Variants in SHISA9 observed in about 807,000 individuals in gnomAD.
SHISA9 encodes shisa family member 9, also known as protein shisa-9.
In SHISA9, 13 loss-of-function variants were observed where a neutral mutation model predicts 38.0. The observed-to-expected ratio is 0.34, with a 90% confidence interval of 0.22 to 0.54. The LOEUF is 0.54. Ranked by LOEUF, SHISA9 falls within the 20% of genes least tolerant of loss-of-function variation. The pLI, the probability that SHISA9 is intolerant of heterozygous loss-of-function variation, is 0.91. For synonymous variants in SHISA9, 275 were observed against 242.0 expected, an observed-to-expected ratio of 1.14 and a Z score of -1.27; for missense variants, 538 against 575.8, an observed-to-expected ratio of 0.93 and a Z score of 0.67.
chr16:13,525,418 CA>C, the SHISA9 span, among the ~76,000 whole-genome samples: 1 of 152,118 alleles, frequency 6.6e-6, no homozygotes, highest in Non-Finnish European at 1.5e-5. Flanking sequence ...AAGCCCATAA[CA>C]AAAAACTGGA....
the SHISA9 span, among the ~76,000 whole-genome samples, chr16:13,404,046 G>C: frequency 6.6e-6 from 1 of 152,200 alleles, no homozygotes; most frequent in Non-Finnish European, 1.5e-5. Context: ...GTAGAATCGT[G>C]ATTCGAACTC....
chr16:13,330,309 C>T, the SHISA9 span, among the ~76,000 whole-genome samples: 1 of 152,176 alleles, frequency 6.6e-6, no homozygotes, highest in Non-Finnish European at 1.5e-5. Context: ...GCATACAGTG[C>T]ATCAAAGTGC....
the SHISA9 span, among the ~76,000 whole-genome samples, chr16:13,493,016 A>G: frequency 1.8e-4 from 28 of 152,148 alleles, no homozygotes; most frequent in Admixed American, 3.3e-4. Flanking sequence ...CTGCAAGAGG[A>G]TAGATCTGAA....
intron 2 of SHISA9, among the ~76,000 whole-genome samples, chr16:13,060,004 G>A (rs2073355594): frequency 6.6e-6 from 1 of 152,136 alleles, no homozygotes; most frequent in Non-Finnish European, 1.5e-5. Context: ...AACAGCCCTA[G>A]CAAACAAATA....
intron 2 of SHISA9, among the ~76,000 whole-genome samples, chr16:13,036,121 T>A (rs1403982159): frequency 6.6e-6 from 1 of 152,208 alleles, no homozygotes; most frequent in Non-Finnish European, 1.5e-5. Context: ...ATATGACACA[T>A]CAATTCCACT....
At chr16:12,991,239 G>C (rs1239237368) in intron 2 of SHISA9, among the ~76,000 whole-genome samples, 1 of 152,038 alleles carries the variant, frequency 6.6e-6, no homozygotes. Context: ...TGATTTCTGG[G>C]AAAGTTTTCC....
At chr16:13,438,904 G>A in the SHISA9 span, among the ~76,000 whole-genome samples, 1 of 152,140 alleles carries the variant, frequency 6.6e-6, no homozygotes, top group African/African-American at 2.4e-5. Context: ...CTCTGATAAT[G>A]AGAAAACTAG....
intron 2 of SHISA9, among the ~76,000 whole-genome samples, chr16:13,141,743 T>A (rs191376134): frequency 6.6e-6 from 1 of 152,146 alleles, no homozygotes; most frequent in Non-Finnish European, 1.5e-5. Flanking sequence ...AAAGGTGATA[T>A]GAAGAGCTCT....
the SHISA9 span, among the ~76,000 whole-genome samples, chr16:13,328,167 A>G: frequency 6.6e-6 from 1 of 152,082 alleles, no homozygotes; most frequent in South Asian, 2.1e-4. Flanking sequence ...GCCTCTCACC[A>G]TCACTTCTTC....
chr16:13,289,623 T>G, the SHISA9 span, among the ~76,000 whole-genome samples: 2 of 148,282 alleles, frequency 1.3e-5, no homozygotes, highest in East Asian at 2.0e-4. Context: ...AGGAGAAAAA[T>G]TGGGTAGGGA....
chr16:13,006,615 A>G (rs962503172), intron 2 of SHISA9, among the ~76,000 whole-genome samples: 5 of 152,240 alleles, frequency 3.3e-5, no homozygotes, highest in African/African-American at 1.2e-4. Flanking sequence ...ATAGGTGCTT[A>G]CCAAATATTT....
chr16:13,447,403 C>T, the SHISA9 span, among the ~76,000 whole-genome samples: 1 of 152,170 alleles, frequency 6.6e-6, no homozygotes, highest in South Asian at 2.1e-4. Context: ...AGAGCAATAA[C>T]TGATAGGTGG....
At chr16:13,425,477 A>G in the SHISA9 span, among the ~76,000 whole-genome samples, 1 of 152,142 alleles carries the variant, frequency 6.6e-6, no homozygotes, top group African/African-American at 2.4e-5. Flanking sequence ...ACAGAGTGAG[A>G]CTTCGTCTCA....
chr16:13,419,436 T>G, the SHISA9 span, among the ~76,000 whole-genome samples: 1 of 152,252 alleles, frequency 6.6e-6, no homozygotes, highest in Admixed American at 6.5e-5. Context: ...GACTAATCTT[T>G]CCTTTAATAT....
intron 2 of SHISA9, among the ~76,000 whole-genome samples, chr16:13,078,911 G>A (rs1383895501): frequency 6.6e-6 from 1 of 152,176 alleles, no homozygotes; most frequent in African/African-American, 2.4e-5. Flanking sequence ...TTAACCGGGA[G>A]CGTAAAAGGG....
At chr16:13,349,913 A>G in the SHISA9 span, among the ~76,000 whole-genome samples, 2 of 152,230 alleles carry the variant, frequency 1.3e-5, no homozygotes, top group South Asian at 4.1e-4. Flanking sequence ...TAGGAGGCCC[A>G]TTATTTTTAC....
At chr16:12,950,399 G>A (rs529065236) in intron 2 of SHISA9, among the ~76,000 whole-genome samples, 12 of 152,072 alleles carry the variant, frequency 7.9e-5, no homozygotes, top group South Asian at 4.2e-4. Flanking sequence ...GGATTCCCCC[G>A]GGAAATGCAT....
the SHISA9 span, among the ~76,000 whole-genome samples, chr16:13,465,698 C>T: frequency 8.5e-5 from 13 of 152,194 alleles, no homozygotes; most frequent in Non-Finnish European, 2.9e-5. Context: ...CCTTTGAAGG[C>T]AGATCCAGGT....
At chr16:13,400,928 T>C in the SHISA9 span, among the ~76,000 whole-genome samples, 1 of 152,198 alleles carries the variant, frequency 6.6e-6, no homozygotes, top group African/African-American at 2.4e-5. Context: ...AACCCTGGCA[T>C]TATGAATGAA....
Sources: gnomAD v4.1 joint callset for allele counts (sites outside exome capture counted in the v4.1 genomes callset) on GRCh38, gnomAD v4.1.1 for gene constraint, MANE v1.5 for transcripts, NCBI Gene and HGNC (gene_info 2026-07-23, HGNC 2026-07-21) for gene names.